UBE2L3: variants seen among roughly 807,000 people sequenced by gnomAD.
The protein encoded by UBE2L3 is ubiquitin conjugating enzyme E2 L3.
Under a neutral mutation model 17.8 loss-of-function variants are expected in UBE2L3, and 1 was observed. That is an observed-to-expected ratio of 0.06 (90% CI 0.02 to 0.27). The LOEUF is 0.27. UBE2L3 is among the 10% of genes least tolerant of loss of function. The probability of loss-of-function intolerance (pLI) is 1.00; values close to 1 mark genes in which losing one functional copy is unlikely to be tolerated. For synonymous variants in UBE2L3, 44 were observed against 68.5 expected (o/e 0.64, Z 1.76); for missense variants, 40 against 192.6 (o/e 0.21, Z 4.69).
intron 3 of UBE2L3, among the ~76,000 whole-genome samples, chr22:21,616,222 A>G (rs1929762640): frequency 6.6e-6 from 1 of 152,232 alleles, no homozygotes; most frequent in Admixed American, 6.5e-5. Context: ...TAAGCACTAC[A>G]GATAAAATTC....
chr22:21,575,631 C>CTTTTTTTTTTTTTT (rs533923826), intron 1 of UBE2L3, among the ~76,000 whole-genome samples: 2 of 73,394 alleles, frequency 2.7e-5, no homozygotes, highest in African/African-American at 5.8e-5. Context: ...AGTTGAATAG[C>CTTTTTTTTTTTTTT]TTTTTTTTTT....
chr22:21,570,598 G>A (rs1012576377), intron 1 of UBE2L3, among the ~76,000 whole-genome samples: 5 of 152,144 alleles, frequency 3.3e-5, no homozygotes, highest in Non-Finnish European at 5.9e-5. Flanking sequence ...TGCATGGAGC[G>A]GTGTGTTGTT....
Position 21,570,237 on chromosome 22 carries a change from G to A in UBE2L3, c.27+2466G>A, listed in dbSNP as rs140499421. ...GGTAGCCCCCTAGCCTATCCCAGTT[G>A]ACCCAGTTTGGAATCTCCAGGCTCT... On this transcript the variant is annotated intron_variant, in intron 1 of 3. Coordinates refer to ENST00000342192, the MANE Select transcript of UBE2L3 (RefSeq NM_003347.4). 2.6e-3 allele frequency among the ~76,000 whole-genome samples: 394 copies of A among 152,162 alleles called. 1 individual carries two copies. Among genetic ancestry groups the A allele is most frequent in the African/African-American group, 9.2e-3 (380 of 41,500 alleles).
chr22:21,581,674 C>T (rs541223242), intron 1 of UBE2L3, among the ~76,000 whole-genome samples: 5 of 151,470 alleles, frequency 3.3e-5, no homozygotes, highest in Non-Finnish European at 4.4e-5. Context: ...TGGTGGCGGG[C>T]GCCTGTAATC....
At chr22:21,564,469 G>A (rs1926563129), upstream of UBE2L3, among the ~76,000 whole-genome samples, 1 of 152,158 alleles carries the variant, frequency 6.6e-6, no homozygotes, top group Admixed American at 6.5e-5. Context: ...GAGCAGGAGA[G>A]GGACCCCAAA....
upstream of UBE2L3, among the ~76,000 whole-genome samples, chr22:21,563,669 C>T (rs111480617): frequency 0.078 from 11,440 of 146,732 alleles, 1,544 homozygotes; most frequent in African/African-American, 0.27. Context: ...CTCCCCCTCC[C>T]GGGTTCGAGC....
At chr22:21,617,257 GGTTTTTTGTTTTTT>G (rs778647392) in intron 3 of UBE2L3, among the ~76,000 whole-genome samples, 7 of 151,824 alleles carry the variant, frequency 4.6e-5, no homozygotes, top group Admixed American at 6.6e-5. Flanking sequence ...TTGTTGTGTG[GGTTTTTTGTTTTTT>G]GTTTTTTGTT....
chr22:21,578,260 T>C (rs892595047), intron 1 of UBE2L3, among the ~76,000 whole-genome samples: 3 of 151,258 alleles, frequency 2.0e-5, no homozygotes, highest in South Asian at 2.1e-4. Flanking sequence ...CTCGGGAGGC[T>C]GAGGCAGGAG....
intron 1 of UBE2L3, among the ~76,000 whole-genome samples, chr22:21,584,072 TC>T (rs1927797118): frequency 6.6e-6 from 1 of 151,742 alleles, no homozygotes; most frequent in Non-Finnish European, 1.5e-5. Context: ...ACGGGGTTTC[TC>T]CATGTTGGTC....
Position 21,558,398 on chromosome 22 carries a change from C to T in UBE2L3, c.201+8748C>T, listed in dbSNP as rs1322168052. Among the ~76,000 whole-genome samples the T allele has an allele frequency of 1.5e-4, 23 of 152,356 alleles. No homozygotes were observed. In the East Asian group the frequency reaches 3.9e-3, roughly 26 times the overall value. ...CTGTAATCCCAGCACTTTGGGAGGC[C>T]GAGGCAGGCGGATCACGAGGTCAGG... is the stretch of plus-strand genomic sequence containing the variant. On this transcript the variant is annotated intron_variant, in intron 1 of 3. Coordinates refer to the UBE2L3 transcript ENST00000458578.
rs567035008 is a variant in UBE2L3 at position 21,559,144 on chromosome 22, T to G, written c.201+9494T>G. Among the ~76,000 whole-genome samples the G allele has an allele frequency of 2.0e-5, 3 of 152,042 alleles. No individual in the cohort carries two copies. In the East Asian group the frequency reaches 5.8e-4, roughly 30 times the overall value. The stretch of plus-strand genomic sequence containing the variant: ...GGTGGATCACTTGAGATCAGGAGAT[T>G]GAGACCAGCCTGGCTAACATGGTGA... On this transcript the variant is annotated intron_variant, in intron 1 of 3. Transcript: ENST00000458578.
intron 1 of UBE2L3, among the ~76,000 whole-genome samples, chr22:21,590,434 G>A (rs1928193280): frequency 6.6e-6 from 1 of 152,184 alleles, no homozygotes; most frequent in South Asian, 2.1e-4. Context: ...CTGACCTCAG[G>A]TGATCCACCC....
chr22:21,596,056 G>A (rs962422935), intron 2 of UBE2L3, among the ~76,000 whole-genome samples: 6 of 151,908 alleles, frequency 3.9e-5, no homozygotes, highest in African/African-American at 1.2e-4. Context: ...AGTAAAGACG[G>A]GGTTTCACCA....
intron 2 of UBE2L3, among the ~76,000 whole-genome samples, chr22:21,607,884 T>C (rs954074745): frequency 2.0e-5 from 3 of 152,134 alleles, no homozygotes; most frequent in South Asian, 2.1e-4. Context: ...CCTGGGAAGA[T>C]TGAGCTGGCC....
chr22:21,597,330 G>A (rs1928584863), intron 2 of UBE2L3, among the ~76,000 whole-genome samples: 1 of 152,058 alleles, frequency 6.6e-6, no homozygotes, highest in African/African-American at 2.4e-5. Context: ...TTTTAGAGAA[G>A]GGGTCTTGCT....
At chr22:21,561,636 T>G (rs1454774358) in intron 1 of UBE2L3, among the ~76,000 whole-genome samples, 1 of 151,628 alleles carries the variant, frequency 6.6e-6, no homozygotes, top group Non-Finnish European at 1.5e-5. Flanking sequence ...TAAGGGAGCA[T>G]GATAAATTGA....
intron 1 of UBE2L3, among the ~76,000 whole-genome samples, chr22:21,572,383 CAAGA>C: frequency 8.8e-6 from 1 of 113,358 alleles, no homozygotes; most frequent in East Asian, 2.9e-4. Context: ...TGCGGTGAGC[CAAGA>C]TTGTGTCATT....
intron 2 of UBE2L3, among the ~76,000 whole-genome samples, chr22:21,606,113 A>G (rs532718813): frequency 3.1e-4 from 47 of 152,190 alleles, no homozygotes; most frequent in Non-Finnish European, 6.0e-4. Flanking sequence ...TTAAGCTAGG[A>G]AGAGGCAAAG....
Position 21,615,387 on chromosome 22 carries a change from T to C in UBE2L3, c.310+4344T>C, listed in dbSNP as rs369743345. The stretch of plus-strand genomic sequence containing the variant: ...TGGCTAACATGGTGAAACCCTGTCT[T>C]TACTAAAAATAAAAAAAATTAGCCG... On this transcript the variant is annotated intron_variant, in intron 3 of 3. Transcript: ENST00000342192. 3.3e-4 allele frequency among the ~76,000 whole-genome samples: 49 copies of C among 150,188 alleles called. No individual in the cohort carries two copies. In the East Asian group the frequency reaches 4.4e-3, roughly 13 times the overall value.
Sources: allele counts gnomAD v4.1 joint callset (sites outside exome capture counted in the v4.1 genomes callset), GRCh38; gene constraint gnomAD v4.1.1; transcripts MANE v1.5; gene names NCBI Gene and HGNC (gene_info 2026-07-23, HGNC 2026-07-21).